The following GRM7 variants were observed in gnomAD, a reference collection of about 807,000 sequenced individuals.
GRM7 encodes metabotropic glutamate receptor 7.
In GRM7, 35 loss-of-function variants were observed where a neutral mutation model predicts 84.5. That is an observed-to-expected ratio of 0.41 (90% CI 0.32 to 0.55). GRM7 has a LOEUF of 0.55. Among genes scored for constraint, GRM7 ranks in the 20% least tolerant of loss-of-function variants. The pLI is 0.19. For synonymous variants in GRM7, 487 were observed against 455.1 expected (o/e 1.07, Z -0.89); for missense variants, 1,003 against 1,194.6 (o/e 0.84, Z 2.36).
chr3:7,142,336 T>C (rs1693972414), intron 1 of GRM7, among the ~76,000 whole-genome samples: 1 of 152,060 alleles, frequency 6.6e-6, no homozygotes, highest in Non-Finnish European at 1.5e-5. Flanking sequence ...GGGTAACTTA[T>C]AAAGGAAAGA....
chr3:7,160,339 A>G (rs1257863275), intron 2 of GRM7, among the ~76,000 whole-genome samples: 1 of 152,272 alleles, frequency 6.6e-6, no homozygotes, highest in East Asian at 1.9e-4. Flanking sequence ...TTTGGTTTGT[A>G]ACCACTATAA....
intron 2 of GRM7, among the ~76,000 whole-genome samples, chr3:7,154,145 G>T (rs1018640927): frequency 3.9e-5 from 6 of 152,164 alleles, no homozygotes; most frequent in Non-Finnish European, 7.4e-5. Context: ...AAGCAATGTG[G>T]TAGCCATTCC....
intron 1 of GRM7, among the ~76,000 whole-genome samples, chr3:6,883,644 T>C (rs1038303613): frequency 4.6e-5 from 7 of 152,238 alleles, no homozygotes; most frequent in African/African-American, 1.7e-4. Context: ...GATGGCATTT[T>C]AGGTTGTATA....
chr3:7,089,028 A>C (rs978488484), intron 1 of GRM7, among the ~76,000 whole-genome samples: 2 of 152,140 alleles, frequency 1.3e-5, no homozygotes, highest in Non-Finnish European at 2.9e-5. Flanking sequence ...GTCGATTACC[A>C]AACAGCAACA....
At chr3:7,567,313 A>G (rs971266952) in intron 7 of GRM7, among the ~76,000 whole-genome samples, 1 of 152,204 alleles carries the variant, frequency 6.6e-6, no homozygotes, top group Non-Finnish European at 1.5e-5. Flanking sequence ...TCAGACTTTT[A>G]AAAAGAGGCA....
At chr3:7,276,479 G>A (rs951390518) in intron 2 of GRM7, among the ~76,000 whole-genome samples, 4 of 151,730 alleles carry the variant, frequency 2.6e-5, no homozygotes, top group Non-Finnish European at 5.9e-5. Context: ...GTACAAATTA[G>A]GAATTATTCT....
chr3:7,440,494 A>T (rs898569908), intron 5 of GRM7, among the ~76,000 whole-genome samples: 2 of 152,180 alleles, frequency 1.3e-5, no homozygotes, highest in Admixed American at 6.6e-5. Flanking sequence ...GAGTGAAATC[A>T]TGGCTTTTTA....
chr3:7,105,776 G>GATAAATTTAA lies in GRM7; in HGVS notation c.520-40673_520-40664dup, dbSNP rs1692607899. ...CCAAAAATGAAAATTCAGTGGAAAA[G>GATAAATTTAA]ATAAATTTAAATTATTTTCTATATA... is the stretch of plus-strand genomic sequence containing the variant. On this transcript the variant is annotated intron_variant, in intron 1 of 9. Transcript: ENST00000357716. 2.0e-5 allele frequency among the ~76,000 whole-genome samples: 3 copies of GATAAATTTAA among 151,822 alleles called. No individual in the cohort carries two copies. In the South Asian group the frequency reaches 6.2e-4, roughly 31 times the overall value.
chr3:7,128,090 C>A (rs912180609), intron 1 of GRM7, among the ~76,000 whole-genome samples: 44 of 151,280 alleles, frequency 2.9e-4, no homozygotes, highest in African/African-American at 9.7e-4. Context: ...ATAGATTACT[C>A]ATAATATATA....
chr3:7,148,704 C>T (rs952638858), intron 2 of GRM7, among the ~76,000 whole-genome samples: 1 of 152,132 alleles, frequency 6.6e-6, no homozygotes, highest in African/African-American at 2.4e-5. Context: ...AAAGGAGATG[C>T]TCTTATAATA....
chr3:7,541,447 G>T (rs1182466072), intron 7 of GRM7, among the ~76,000 whole-genome samples: 1 of 152,142 alleles, frequency 6.6e-6, no homozygotes, highest in Non-Finnish European at 1.5e-5. Flanking sequence ...TTTATTAGAT[G>T]TGAATTATGT....
At chr3:7,528,041 G>A (rs1700875967) in intron 7 of GRM7, among the ~76,000 whole-genome samples, 1 of 151,968 alleles carries the variant, frequency 6.6e-6, no homozygotes, top group Non-Finnish European at 1.5e-5. Flanking sequence ...TGGTTTCACA[G>A]AATAAGAGAG....
intron 4 of GRM7, among the ~76,000 whole-genome samples, chr3:7,311,054 A>G (rs973002378): frequency 1.3e-5 from 2 of 152,184 alleles, no homozygotes; most frequent in Admixed American, 1.3e-4. Context: ...TTCTTTGTAT[A>G]TATCAAGGTT....
At position 7,415,127 on chromosome 3, in the gene GRM7, G is replaced by A. The variant is rs1263894053; in HGVS notation, c.1138G>A (p.Gly380Arg). The A allele has an allele frequency of 6.2e-7, 1 of 1,612,698 alleles. No homozygotes were observed. Among genetic ancestry groups the A allele is most frequent in the Admixed American group, 1.7e-5 (1 of 59,970 alleles). Residue 380 changes from glycine to arginine, a missense_variant, in exon 5 of 10, where the codon GGG becomes AGG. Gly to Arg is a moderately radical substitution (Grantham distance 125). Transcript: ENST00000357716. ...ENFNCKLTIS[G>R]SKKEDTDRKC... ...CTTCAACTGCAAGTTGACGATTAGT[G>A]GGTCAAAAAAAGAAGACACAGATCG...
At chr3:7,370,751 C>T (rs1035802126) in intron 4 of GRM7, among the ~76,000 whole-genome samples, 17 of 152,100 alleles carry the variant, frequency 1.1e-4, no homozygotes, top group African/African-American at 4.1e-4. Context: ...TAGAAGAAAT[C>T]GTGTACATCA....
intron 1 of GRM7, among the ~76,000 whole-genome samples, chr3:6,977,368 T>C (rs1694041070): frequency 6.6e-6 from 1 of 151,648 alleles, no homozygotes; most frequent in Admixed American, 6.6e-5. Flanking sequence ...TGTTTGTCTG[T>C]GTGTGTGTGT....
intron 4 of GRM7, among the ~76,000 whole-genome samples, chr3:7,384,288 C>A (rs770461040): frequency 3.7e-4 from 57 of 152,228 alleles, no homozygotes; most frequent in African/African-American, 1.3e-3. Flanking sequence ...CTTGACCCCC[C>A]AAAGTGCTGG....
intron 8 of GRM7, among the ~76,000 whole-genome samples, chr3:7,634,851 T>C (rs1698016950): frequency 6.6e-6 from 1 of 151,794 alleles, no homozygotes; most frequent in Non-Finnish European, 1.5e-5. Context: ...TTCAAGGCTA[T>C]GGTACTTTGG....
At chr3:7,139,067 TATA>T (rs966246901) in intron 1 of GRM7, among the ~76,000 whole-genome samples, 49 of 147,612 alleles carry the variant, frequency 3.3e-4, no homozygotes, top group Non-Finnish European at 2.5e-4. Flanking sequence ...TAGTACATTA[TATA>T]ATATTATATA....
Sources: allele counts gnomAD v4.1 joint callset (sites outside exome capture counted in the v4.1 genomes callset), GRCh38; gene constraint gnomAD v4.1.1; transcripts MANE v1.5; gene names NCBI Gene and HGNC (gene_info 2026-07-23, HGNC 2026-07-21).